The following SRPX2 variants were observed in gnomAD, a reference collection of about 807,000 sequenced individuals.
The protein encoded by SRPX2 is sushi repeat containing protein X-linked 2.
In SRPX2, 26 loss-of-function variants were observed where a neutral mutation model predicts 45.3. That is an observed-to-expected ratio of 0.57 (90% CI 0.42 to 0.80). SRPX2 has a LOEUF of 0.80. SRPX2 is among the 30% of genes least tolerant of loss of function. The pLI, the probability that SRPX2 is intolerant of heterozygous loss-of-function variation, is 0.00. For missense variants in SRPX2, 355 were observed against 399.8 expected (o/e 0.89, Z 0.95); for synonymous variants, 125 against 143.7 (o/e 0.87, Z 0.93).
In SRPX2 at chrX:100,665,612, C is replaced by T; in HGVS notation, c.736C>T (p.Arg246Ter). The T allele has an allele frequency of 1.7e-6, 2 of 1,211,826 alleles. No homozygotes were observed. The highest frequency in any genetic ancestry group is 3.0e-5 in the East Asian group (1 of 33,853). ...TGTGATTCGTTACACTGCCTATGACCGAGCCTACAACCGGGCCAGCTGCAA... is the reference window on the plus strand; with the variant it reads ...TGTGATTCGTTACACTGCCTATGACTGAGCCTACAACCGGGCCAGCTGCAA... Reference protein sequence around the residue: ...EHVIRYTAYDRAYNRASCKFI... With the variant: ...EHVIRYTAYD The change falls in exon 7 of 11, where the codon CGA (arginine) becomes TGA (stop). Residue 246 changes from arginine to a stop codon, truncating the protein, a stop_gained. Coordinates refer to ENST00000373004, the MANE Select transcript of SRPX2 (RefSeq NM_014467.3). LOFTEE classifies it high-confidence loss of function.
At position 100,650,674 on chromosome X, in the gene SRPX2, A is replaced by G. The variant is rs1397161206; in HGVS notation, c.83-111A>G. The G allele has an allele frequency of 3.2e-5, 22 of 690,169 alleles. No individual in the cohort carries two copies. In the East Asian group the frequency reaches 7.1e-4, roughly 22 times the overall value. 56.9% of individuals were successfully genotyped at this position (690,169 alleles called of 1,213,427 possible). A position where few individuals can be genotyped will look rare whatever the true frequency, so the allele number is the denominator to read the frequency against. ...TAAATATCCACCTGGCTCCCCACCCATGGAATGCCATGTCCTAAGGAAGTG... is the reference window on the plus strand; with the variant it reads ...TAAATATCCACCTGGCTCCCCACCCGTGGAATGCCATGTCCTAAGGAAGTG... On this transcript the variant is annotated intron_variant, in intron 2 of 10. Coordinates refer to ENST00000373004, the MANE Select transcript of SRPX2 (RefSeq NM_014467.3).
chrX:100,646,378 C>A lies in SRPX2; in HGVS notation c.56C>A (p.Pro19Gln). 1 of 1,210,974 alleles carries A rather than the reference C, an allele frequency of 8.3e-7. No homozygotes were observed. The highest frequency in any genetic ancestry group is 2.2e-5 in the Admixed American group (1 of 46,066). ...GALFLLFFLT[P>Q]AVTPTWYAGS... Reference sequence around the variant, plus strand: ...CTCTTTCTGCTGTTCTTCCTAACTCCGGCAGTGACACCAACATGGTATGCA... The same window carrying A: ...CTCTTTCTGCTGTTCTTCCTAACTCAGGCAGTGACACCAACATGGTATGCA... The change falls in exon 2 of 11, where the codon CCG becomes CAG. Residue 19 changes from proline to glutamine, a missense_variant. Pro to Gln is a moderately conservative substitution (Grantham distance 76). Coordinates refer to ENST00000373004, the MANE Select transcript of SRPX2 (RefSeq NM_014467.3).
chrX:100,662,404 C>T (rs758712304), intron 4 of SRPX2, 37 bp downstream of exon 4: 14 of 1,199,656 alleles, frequency 1.2e-5, no homozygotes, highest in South Asian at 7.1e-5. Context: ...TGTATGTATG[C>T]GAGAGAAGCC....
chrX:100,655,855 GTTTT>G (rs11362126), intron 3 of SRPX2, among the ~76,000 whole-genome samples: 2 of 50,009 alleles, frequency 4.0e-5, no homozygotes, highest in African/African-American at 6.4e-5. Context: ...GGGTGGGGGA[GTTTT>G]TTTTTTTTTT....
At chrX:100,653,645 GT>G (rs2083160208) in intron 3 of SRPX2, among the ~76,000 whole-genome samples, 2 of 111,777 alleles carry the variant, frequency 1.8e-5, no homozygotes, top group Non-Finnish European at 3.8e-5. Flanking sequence ...GTTCAGTACT[GT>G]GTTCCCAACT....
chrX:100,650,552 C>CT (rs1376796367), intron 2 of SRPX2, among the ~76,000 whole-genome samples: 4 of 111,386 alleles, frequency 3.6e-5, no homozygotes, highest in African/African-American at 1.3e-4. Flanking sequence ...CTCGCAGTAA[C>CT]TGGCCACCAC....
chrX:100,666,949 G>C lies in SRPX2; in HGVS notation c.961+16G>C, dbSNP rs779087179. The C allele has an allele frequency of 1.7e-6, 2 of 1,201,714 alleles. No individual in the cohort carries two copies. Among genetic ancestry groups the C allele is most frequent in the East Asian group, 3.0e-5 (1 of 33,646 alleles). On this transcript the variant is annotated intron_variant, in intron 8 of 10. Transcript: ENST00000373004. The stretch of plus-strand genomic sequence containing the variant: ...ATCTGTGCTCGTGAGTGAAACCGGG[G>C]AATGGGGCAAGTGGATGTGGTGATC...
intron 10 of SRPX2, among the ~76,000 whole-genome samples, chrX:100,670,307 G>C (rs764317711): frequency 1.8e-5 from 2 of 111,811 alleles, no homozygotes; most frequent in Non-Finnish European, 3.8e-5. Flanking sequence ...AGTCTCAGTG[G>C]GGACAGAAAG....
rs1033641254 is a variant in SRPX2, at chrX:100,650,871, C to A, written c.163+6C>A. The A allele has an allele frequency of 5.8e-6, 7 of 1,197,792 alleles. No homozygotes were observed. In the African/African-American group the frequency reaches 1.2e-4, roughly 21 times the overall value. On this transcript the variant is annotated splice_donor_region_variant and intron_variant, in intron 3 of 10. Coordinates refer to ENST00000373004, the MANE Select transcript of SRPX2 (RefSeq NM_014467.3). ...TCCTGCCCTGGACTACCGAGGTAAT[C>A]TACCCTGCTTCTCAAGCCCAGAAAA...
chrX:100,662,632 A>C (rs1401279519), intron 4 of SRPX2, among the ~76,000 whole-genome samples: 2 of 112,177 alleles, frequency 1.8e-5, no homozygotes, highest in Non-Finnish European at 3.8e-5. Context: ...GCCAGAGCTA[A>C]GGCTTGGGCC....
At chrX:100,668,769 G>C (rs747766821) in intron 9 of SRPX2, among the ~76,000 whole-genome samples, 1 of 112,033 alleles carries the variant, frequency 8.9e-6, no homozygotes, top group Non-Finnish European at 1.9e-5. Flanking sequence ...AAGAGCACAC[G>C]CTTGGGCAGG....
intron 3 of SRPX2, among the ~76,000 whole-genome samples, chrX:100,661,267 T>C (rs1362245015): frequency 8.9e-6 from 1 of 112,155 alleles, no homozygotes; most frequent in Admixed American, 9.5e-5. Flanking sequence ...CATCTTTTCA[T>C]GTGCTTATTT....
chrX:100,666,743 C>A lies in SRPX2; in HGVS notation c.782-11C>A. 8.2e-7 allele frequency: 1 copy of A among 1,212,221 alleles called. No homozygotes were observed. The highest frequency in any genetic ancestry group is 1.1e-6 in the Non-Finnish European group (1 of 895,611). On this transcript the variant is annotated splice_polypyrimidine_tract_variant and intron_variant, in intron 7 of 10. Coordinates refer to ENST00000373004, the MANE Select transcript of SRPX2 (RefSeq NM_014467.3). ...ACACCATAACTTCTAACTTGAGCTC[C>A]TCCCTGACAGTGAGACGCTGCCCAA... is the stretch of plus-strand genomic sequence containing the variant.
Position 100,665,570 on chromosome X carries a change from T to A in SRPX2, c.694T>A (p.Phe232Ile), listed in dbSNP as rs765979414. The part of the protein sequence containing the change: ...TLRGPEPGSH[F>I]PEGEHVIRYT... The stretch of plus-strand genomic sequence containing the variant: ...TCGGGGCCCTGAGCCTGGCTCTCAC[T>A]TTCCCGAAGGAGAGCATGTGATTCG... Residue 232 changes from phenylalanine to isoleucine, a missense_variant, in exon 7 of 11, where the codon TTT becomes ATT. By Grantham distance (21) the Phe-to-Ile change is conservative. Transcript: ENST00000373004. 1 of 1,212,012 alleles carries A rather than the reference T, an allele frequency of 8.3e-7. No homozygotes were observed. The highest frequency in any genetic ancestry group is 1.8e-5 in the South Asian group (1 of 56,995).
chrX:100,650,988 G>C lies in SRPX2; in HGVS notation c.163+123G>C, dbSNP rs1256200636. The C allele has an allele frequency of 1.5e-5, 8 of 535,148 alleles. No individual in the cohort carries two copies. The East Asian group carries it at 2.9e-4, about 19-fold the overall frequency. 44.1% of individuals were successfully genotyped at this position (535,148 alleles called of 1,213,427 possible). ...TCAAAACTGTAGCACAGGGAATCAG[G>C]GGCTGTGATTTCTCATCATGAACTT... On this transcript the variant is annotated intron_variant, in intron 3 of 10. Transcript: ENST00000373004.
intron 3 of SRPX2, among the ~76,000 whole-genome samples, chrX:100,659,048 G>T (rs1258824412): frequency 8.9e-6 from 1 of 111,742 alleles, no homozygotes; most frequent in African/African-American, 3.2e-5. Flanking sequence ...TCCACATAGT[G>T]TATCCACCAT....
At chrX:100,653,912 T>C (rs1448577664) in intron 3 of SRPX2, among the ~76,000 whole-genome samples, 1 of 112,599 alleles carries the variant, frequency 8.9e-6, no homozygotes, top group East Asian at 2.8e-4. Context: ...TTAACTGTAT[T>C]TAACTGTTTT....
At chrX:100,654,648 C>G (rs1013142278) in intron 3 of SRPX2, among the ~76,000 whole-genome samples, 2 of 111,379 alleles carry the variant, frequency 1.8e-5, no homozygotes, top group Admixed American at 9.5e-5. Context: ...ATTTTACCAA[C>G]CAGGAAACTA....
At chrX:100,654,607 A>G (rs894681126) in intron 3 of SRPX2, among the ~76,000 whole-genome samples, 2 of 111,308 alleles carry the variant, frequency 1.8e-5, no homozygotes, top group African/African-American at 6.5e-5. Context: ...TGGTTCTCAC[A>G]ACAGCCCTAT....
Sources: allele counts gnomAD v4.1 joint callset (sites outside exome capture counted in the v4.1 genomes callset), GRCh38; gene constraint gnomAD v4.1.1; transcripts MANE v1.5; gene names NCBI Gene and HGNC (gene_info 2026-07-23, HGNC 2026-07-21).